IQGAP2: variants seen among roughly 807,000 people sequenced by gnomAD.
IQGAP2 encodes the protein IQ motif containing GTPase activating protein 2, also known as ras GTPase-activating-like protein IQGAP2.
Under a neutral mutation model 201.3 loss-of-function variants are expected in IQGAP2, and 173 were observed. That is an observed-to-expected ratio of 0.86 (90% confidence interval 0.76 to 0.98). IQGAP2 has a LOEUF of 0.98. Ranked by LOEUF, IQGAP2 falls within the 50% of genes least tolerant of loss-of-function variation. The pLI is 0.00. For synonymous variants in IQGAP2, 675 were observed against 673.9 expected, an observed-to-expected ratio of 1.00 and a Z score of -0.03; for missense variants, 1,687 against 1,864.8, an observed-to-expected ratio of 0.90 and a Z score of 1.76.
Position 76,626,876 on chromosome 5 carries a change from G to A in IQGAP2, c.1522-534G>A, listed in dbSNP as rs150649535. On this transcript the variant is annotated intron_variant, in intron 13 of 35. Coordinates refer to ENST00000274364, the MANE Select transcript of IQGAP2 (RefSeq NM_006633.5). ...AGCCAACAGCCACACAGTGAGGGTA[G>A]AGTATTGTGGTCTGAAAGAGACTCG... 8.0e-3 allele frequency among the ~76,000 whole-genome samples: 1,225 copies of A among 152,262 alleles called. 12 individuals are homozygous for A. Among genetic ancestry groups the A allele is most frequent in the African/African-American group, 0.026 (1,075 of 41,532 alleles).
intron 17 of IQGAP2, among the ~76,000 whole-genome samples, chr5:76,643,201 TAAG>T (rs1044184266): frequency 5.9e-5 from 9 of 152,052 alleles, no homozygotes; most frequent in African/African-American, 1.9e-4. Context: ...CTTAATGAAA[TAAG>T]AAGACAATAG....
chr5:76,477,948 G>A (rs1366762213), intron 2 of IQGAP2, among the ~76,000 whole-genome samples: 1 of 152,130 alleles, frequency 6.6e-6, no homozygotes, highest in African/African-American at 2.4e-5. Flanking sequence ...AAATATTTTT[G>A]TACAGCAGTA....
At chr5:76,508,037 G>A (rs1457426621) in intron 2 of IQGAP2, among the ~76,000 whole-genome samples, 16 of 130,166 alleles carry the variant, frequency 1.2e-4, no homozygotes, top group African/African-American at 4.7e-4. Context: ...ATGGGCCAAA[G>A]ATATGAACAG....
At chr5:76,567,734 T>C (rs1744854180) in intron 3 of IQGAP2, among the ~76,000 whole-genome samples, 1 of 152,204 alleles carries the variant, frequency 6.6e-6, no homozygotes, top group Non-Finnish European at 1.5e-5. Flanking sequence ...CAAATTTGGA[T>C]AATGTTATTT....
rs373943016 is a variant in IQGAP2 at position 76,558,649 on chromosome 5, T to G, written c.147-3747T>G. On this transcript the variant is annotated intron_variant, in intron 2 of 35. Coordinates refer to ENST00000274364, the MANE Select transcript of IQGAP2 (RefSeq NM_006633.5). The stretch of plus-strand genomic sequence containing the variant: ...TATGCATGATATGTGAAAAGGAAGT[T>G]CATCATCATCACATCTTACCTGTTC... Among the ~76,000 whole-genome samples the G allele has an allele frequency of 1.8e-4, 28 of 152,338 alleles. No individual in the cohort carries two copies. In the South Asian group the frequency reaches 5.0e-3, roughly 27 times the overall value.
At chr5:76,706,205 A>AACT (rs1747877225) in intron 35 of IQGAP2, among the ~76,000 whole-genome samples, 1 of 152,210 alleles carries the variant, frequency 6.6e-6, no homozygotes, top group African/African-American at 2.4e-5. Flanking sequence ...TGTATTATAT[A>AACT]CCAAAAAAGT....
chr5:76,570,764 T>A (rs1745059880), intron 4 of IQGAP2, 107 bp downstream of exon 4: 1 of 750,240 alleles, frequency 1.3e-6, no homozygotes, highest in South Asian at 1.7e-5. Flanking sequence ...AATGTAGAAA[T>A]GAGAAATGTG....
intron 1 of IQGAP2, among the ~76,000 whole-genome samples, chr5:76,447,105 C>T (rs923625144): frequency 1.3e-5 from 2 of 152,182 alleles, no homozygotes; most frequent in African/African-American, 2.4e-5. Context: ...GAGCCGTTGT[C>T]GGCCAACCTC....
At chr5:76,515,817 A>G (rs2150187917) in intron 2 of IQGAP2, among the ~76,000 whole-genome samples, 1 of 151,844 alleles carries the variant, frequency 6.6e-6, no homozygotes, top group East Asian at 1.9e-4. Flanking sequence ...TCAGCAGGAA[A>G]GTCAGAAGTG....
intron 13 of IQGAP2, among the ~76,000 whole-genome samples, chr5:76,614,602 C>T (rs1338689590): frequency 8.4e-6 from 1 of 118,658 alleles, no homozygotes; most frequent in Admixed American, 9.3e-5. Context: ...TTTTTCCCCT[C>T]TGCTTTTTTT....
chr5:76,482,838 T>A (rs1414239730), intron 2 of IQGAP2, among the ~76,000 whole-genome samples: 1 of 152,202 alleles, frequency 6.6e-6, no homozygotes, highest in Non-Finnish European at 1.5e-5. Context: ...TGAACCATAG[T>A]CGATTTATTT....
At chr5:76,671,207 G>A (rs955740011) in intron 23 of IQGAP2, among the ~76,000 whole-genome samples, 1 of 151,792 alleles carries the variant, frequency 6.6e-6, no homozygotes. Flanking sequence ...GTTGCAGTGA[G>A]CCAAGATGGC....
intron 1 of IQGAP2, among the ~76,000 whole-genome samples, chr5:76,460,860 CTTTTTTT>C (rs61258350): frequency 0.35 from 39,364 of 113,532 alleles, 6,589 homozygotes; most frequent in East Asian, 0.6. Context: ...TTGCACACTG[CTTTTTTT>C]TTTTTTTTTT....
intron 26 of IQGAP2, 76 bp from the exon 27 acceptor site, chr5:76,674,401 T>C: frequency 1.2e-6 from 1 of 835,456 alleles, no homozygotes; most frequent in Non-Finnish European, 1.9e-6. Flanking sequence ...AATATATATC[T>C]TTAAAAAAAA....
At chr5:76,567,690 T>G (rs1481162659) in intron 3 of IQGAP2, among the ~76,000 whole-genome samples, 3 of 152,200 alleles carry the variant, frequency 2.0e-5, no homozygotes, top group Non-Finnish European at 4.4e-5. Flanking sequence ...ATCTTACTTA[T>G]TTGTGCCATC....
intron 21 of IQGAP2, among the ~76,000 whole-genome samples, chr5:76,659,464 A>C (rs1254826869): frequency 6.6e-6 from 1 of 152,222 alleles, no homozygotes; most frequent in East Asian, 1.9e-4. Context: ...CATTTTCCAA[A>C]ATGGAGAACA....
intron 15 of IQGAP2, among the ~76,000 whole-genome samples, chr5:76,635,276 A>G (rs1292179265): frequency 1.3e-5 from 2 of 152,250 alleles, no homozygotes; most frequent in Non-Finnish European, 2.9e-5. Context: ...AGAAAAATAT[A>G]AGAAGTTCTA....
intron 5 of IQGAP2, among the ~76,000 whole-genome samples, chr5:76,585,531 G>A: frequency 9.8e-6 from 1 of 101,526 alleles, no homozygotes. Context: ...TTTTTTTTTT[G>A]AGGTGGACTT....
intron 2 of IQGAP2, among the ~76,000 whole-genome samples, chr5:76,481,582 CCA>C (rs1400740493): frequency 2.0e-5 from 3 of 152,130 alleles, no homozygotes; most frequent in African/African-American, 7.2e-5. Flanking sequence ...CAGGGTTTCA[CCA>C]TTTTGGCCAG....
Sources: gnomAD v4.1 joint callset for allele counts (sites outside exome capture counted in the v4.1 genomes callset) on GRCh38, gnomAD v4.1.1 for gene constraint, MANE v1.5 for transcripts, NCBI Gene and HGNC (gene_info 2026-07-23, HGNC 2026-07-21) for gene names.